Variants in PPFIA2 observed in about 807,000 individuals in gnomAD.
The protein encoded by PPFIA2 is PPFI scaffold protein A2, also known as liprin-alpha-2.
In PPFIA2, 46 loss-of-function variants were observed where a neutral mutation model predicts 175.5. The ratio of observed to expected loss-of-function variants is 0.26; its 90% CI spans 0.21 to 0.34. The LOEUF (loss-of-function observed/expected upper bound fraction) is 0.34. PPFIA2 is among the 10% of genes least tolerant of loss of function. PPFIA2 has a pLI of 1.00. For missense variants in PPFIA2, 1,179 were observed against 1,506.1 expected (o/e 0.78, Z 3.60); for synonymous variants, 568 against 511.4 (o/e 1.11, Z -1.49).
intron 6 of PPFIA2, among the ~76,000 whole-genome samples, chr12:81,443,845 CTTTTT>C (rs1183160145): frequency 2.1e-3 from 149 of 71,110 alleles, no homozygotes; most frequent in Non-Finnish European, 3.2e-3. Context: ...GCCAACCTTT[CTTTTT>C]TTTTTTTTTT....
chr12:81,745,477 G>A (rs1341384879), intron 3 of PPFIA2, among the ~76,000 whole-genome samples: 1 of 152,192 alleles, frequency 6.6e-6, no homozygotes, highest in Non-Finnish European at 1.5e-5. Flanking sequence ...AATGGCAAAT[G>A]TGGAAGCAAT....
At chr12:81,542,667 A>G (rs1011702745) in intron 4 of PPFIA2, among the ~76,000 whole-genome samples, 1 of 152,110 alleles carries the variant, frequency 6.6e-6, no homozygotes, top group Non-Finnish European at 1.5e-5. Context: ...CCTCTTTTCT[A>G]AAGCTTTTAC....
chr12:81,422,848 C>T (rs1399011958), intron 7 of PPFIA2, among the ~76,000 whole-genome samples: 7 of 152,052 alleles, frequency 4.6e-5, no homozygotes, highest in African/African-American at 1.4e-4. Flanking sequence ...AGTTTCAAAC[C>T]TATGAACTTT....
intron 4 of PPFIA2, among the ~76,000 whole-genome samples, chr12:81,539,196 C>T (rs546444190): frequency 5.9e-5 from 9 of 151,930 alleles, no homozygotes; most frequent in African/African-American, 1.4e-4. Flanking sequence ...CTTTAAGATA[C>T]GTCAACTGAG....
chr12:81,638,648 T>C (rs1256357830), intron 4 of PPFIA2, among the ~76,000 whole-genome samples: 1 of 150,954 alleles, frequency 6.6e-6, no homozygotes, highest in Non-Finnish European at 1.5e-5. Flanking sequence ...ATAGAGACTG[T>C]AATTTCAGAT....
At chr12:81,612,938 T>C (rs889737591) in intron 4 of PPFIA2, among the ~76,000 whole-genome samples, 9 of 152,192 alleles carry the variant, frequency 5.9e-5, no homozygotes, top group African/African-American at 2.2e-4. Flanking sequence ...AAACCAAATT[T>C]TTCACAAATT....
At chr12:81,553,989 T>C (rs955797542) in intron 4 of PPFIA2, among the ~76,000 whole-genome samples, 3 of 152,030 alleles carry the variant, frequency 2.0e-5, no homozygotes, top group African/African-American at 7.2e-5. Flanking sequence ...AGGGCAATGC[T>C]ATGGCAAAAA....
At chr12:81,391,094 A>C (rs564207031) in intron 8 of PPFIA2, among the ~76,000 whole-genome samples, 2 of 152,086 alleles carry the variant, frequency 1.3e-5, no homozygotes, top group South Asian at 4.1e-4. Context: ...CTATCAAGCA[A>C]AGAAGTAATA....
intron 21 of PPFIA2, among the ~76,000 whole-genome samples, chr12:81,338,479 T>C (rs751150365): frequency 1.1e-4 from 17 of 152,114 alleles, no homozygotes; most frequent in Non-Finnish European, 1.9e-4. Context: ...TCTACATTTT[T>C]ATTCTATTAG....
At chr12:81,603,815 C>A (rs188218949) in intron 4 of PPFIA2, among the ~76,000 whole-genome samples, 4 of 105,126 alleles carry the variant, frequency 3.8e-5, no homozygotes, top group East Asian at 5.7e-4. Flanking sequence ...GACAGAATCA[C>A]TATTCTGACT....
chr12:81,733,658 A>G (rs1438681913), intron 3 of PPFIA2, among the ~76,000 whole-genome samples: 1 of 151,724 alleles, frequency 6.6e-6, no homozygotes, highest in Non-Finnish European at 1.5e-5. Flanking sequence ...TAAAGAGGCA[A>G]TGAATATATT....
chr12:81,460,025 T>C (rs2054249042), intron 4 of PPFIA2, among the ~76,000 whole-genome samples: 1 of 152,126 alleles, frequency 6.6e-6, no homozygotes. Context: ...TAGTTGTTTG[T>C]TGGGTTTATA....
At chr12:81,350,786 G>A (rs1430838508) in intron 17 of PPFIA2, among the ~76,000 whole-genome samples, 1 of 144,418 alleles carries the variant, frequency 6.9e-6, no homozygotes, top group Non-Finnish European at 1.5e-5. Flanking sequence ...AAAGAAACCA[G>A]ATAGTAATGG....
chr12:81,586,270 A>G (rs1452012151), intron 4 of PPFIA2, among the ~76,000 whole-genome samples: 3 of 151,946 alleles, frequency 2.0e-5, no homozygotes, highest in African/African-American at 7.2e-5. Flanking sequence ...ATTGCTTCCT[A>G]GTGTCATTGT....
intron 4 of PPFIA2, among the ~76,000 whole-genome samples, chr12:81,622,507 G>T (rs2062175285): frequency 6.6e-6 from 1 of 152,116 alleles, no homozygotes; most frequent in Non-Finnish European, 1.5e-5. Context: ...ACAGTGGAAT[G>T]TGTTTGTTTG....
intron 4 of PPFIA2, among the ~76,000 whole-genome samples, chr12:81,582,190 C>T (rs2074520328): frequency 6.6e-6 from 1 of 151,714 alleles, no homozygotes; most frequent in African/African-American, 2.4e-5. Flanking sequence ...TTTATGTATT[C>T]CCACAGGTTT....
Position 81,384,257 on chromosome 12 carries a change from A to G in PPFIA2, c.763-13T>C, listed in dbSNP as rs531968491. Reference sequence around the variant, plus strand: ...CATTGGACAAACGCTGCAGAAATAGAAAAAGAAATGGCACTTAAGAATTTT... The same window carrying G: ...CATTGGACAAACGCTGCAGAAATAGGAAAAGAAATGGCACTTAAGAATTTT... On this transcript the variant is annotated splice_polypyrimidine_tract_variant and intron_variant, in intron 8 of 32. Coordinates refer to ENST00000549396, the MANE Select transcript of PPFIA2 (RefSeq NM_003625.5). 4.2e-6 allele frequency: 6 copies of G among 1,432,902 alleles called. No homozygotes were observed. In the South Asian group the frequency reaches 8.6e-5, roughly 21 times the overall value. 88.8% of individuals were successfully genotyped at this position (1,432,902 alleles called of 1,614,324 possible).
chr12:81,680,792 T>C (rs112128433), intron 3 of PPFIA2, among the ~76,000 whole-genome samples: 3,104 of 152,042 alleles, frequency 0.02, 54 homozygotes, highest in Middle Eastern at 0.054. Context: ...ATTTGACCCA[T>C]CCAGTTCAGT....
intron 4 of PPFIA2, among the ~76,000 whole-genome samples, chr12:81,650,100 T>C (rs12315059): frequency 0.31 from 46,926 of 151,444 alleles, 8,232 homozygotes; most frequent in Middle Eastern, 0.41. Context: ...AGCTCCGCCT[T>C]CCAGATTCAC....
Sources: allele counts gnomAD v4.1 joint callset (sites outside exome capture counted in the v4.1 genomes callset), GRCh38; gene constraint gnomAD v4.1.1; transcripts MANE v1.5; gene names NCBI Gene and HGNC (gene_info 2026-07-23, HGNC 2026-07-21).